The following PRKAR1A variants were observed in gnomAD, a reference collection of about 807,000 sequenced individuals.
The protein encoded by PRKAR1A is protein kinase cAMP-dependent type I regulatory subunit alpha.
In PRKAR1A, 3 loss-of-function variants were observed where a neutral mutation model predicts 52.0. The ratio of observed to expected loss-of-function variants is 0.06; its 90% confidence interval spans 0.03 to 0.15. The LOEUF is 0.15. PRKAR1A is among the 10% of genes least tolerant of loss of function. The pLI, the probability that PRKAR1A is intolerant of heterozygous loss-of-function variation, is 1.00. For synonymous variants in PRKAR1A, 188 were observed against 168.4 expected, an observed-to-expected ratio of 1.12 and a Z score of -0.90; for missense variants, 240 against 477.4, an observed-to-expected ratio of 0.50 and a Z score of 4.63.
At chr17:68,479,927 C>G in the PRKAR1A span, among the ~76,000 whole-genome samples, 1 of 152,166 alleles carries the variant, frequency 6.6e-6, no homozygotes. Flanking sequence ...GGGGGAAATG[C>G]CCCTTATAAA....
the PRKAR1A span, chr17:68,435,542 T>C: frequency 7.2e-7 from 1 of 1,385,748 alleles, no homozygotes; most frequent in Non-Finnish European, 1.0e-6. Context: ...GTCACCAGGT[T>C]TGTTCAATCC....
At chr17:68,525,108 A>T (rs2085745884) in intron 6 of PRKAR1A, 150 bp downstream of exon 6, 2 of 687,806 alleles carry the variant, frequency 2.9e-6, no homozygotes, top group Non-Finnish European at 2.5e-6. Flanking sequence ...TTTATGACAC[A>T]GAGAAACTCT....
intron 1 of PRKAR1A, among the ~76,000 whole-genome samples, chr17:68,514,122 A>G (rs999874181): frequency 3.9e-5 from 6 of 152,170 alleles, no homozygotes; most frequent in African/African-American, 1.4e-4. Context: ...ATGGCTTCTA[A>G]TTTATGTGCT....
rs140785420 is a variant in PRKAR1A at position 68,531,411 on chromosome 17, A to G, written c.*962A>G. On this transcript the variant is annotated 3_prime_UTR_variant, in exon 11 of 11. Transcript: ENST00000589228. ...GAGATTGGATTTGCTGTGACTAGAT[A>G]CAGATGGAGCAAATGTCCTAACAGA... 3.7e-4 allele frequency: 396 copies of G among 1,066,000 alleles called. No homozygotes were observed. The highest frequency in any genetic ancestry group is 4.3e-4 in the Non-Finnish European group (376 of 879,588). 66.0% of individuals were successfully genotyped at this position (1,066,000 alleles called of 1,614,324 possible).
Position 68,519,059 on chromosome 17 carries a change from G to T in PRKAR1A, c.177+3483G>T, listed in dbSNP as rs573026326. Reference sequence around the variant, plus strand: ...TACTATCAGCATTTTGGTCAAAGCCGTACAAGAAATCTCTAGGAAGTTCCA... The same window carrying T: ...TACTATCAGCATTTTGGTCAAAGCCTTACAAGAAATCTCTAGGAAGTTCCA... On this transcript the variant is annotated intron_variant, in intron 2 of 10. Transcript: ENST00000589228. Among the ~76,000 whole-genome samples, 3 of 152,218 alleles carry T rather than the reference G, an allele frequency of 2.0e-5. No homozygotes were observed. In the South Asian group the frequency reaches 6.2e-4, roughly 32 times the overall value.
Position 68,522,887 on chromosome 17 carries a change from G to A in PRKAR1A, c.309G>A (p.Glu103=), listed in dbSNP as rs746113372. Residue 103 remains glutamate (E), a synonymous_variant, in exon 3 of 11, where the codon GAG becomes GAA. Transcript: ENST00000589228. ...GGCGACGAGGTGCTATCAGCGCTGAGGTCTACACGGAGGAAGATGCGGCAT... is the reference window on the plus strand; with the variant it reads ...GGCGACGAGGTGCTATCAGCGCTGAAGTCTACACGGAGGAAGATGCGGCAT... The part of the protein sequence containing the change: ...GRRRRGAISA[E]VYTEEDAASY... 2.0e-5 allele frequency: 32 copies of A among 1,613,818 alleles called. No individual in the cohort carries two copies. Among genetic ancestry groups the A allele is most frequent in the Admixed American group, 1.3e-4 (8 of 60,000 alleles).
the PRKAR1A span, among the ~76,000 whole-genome samples, chr17:68,441,308 C>T: frequency 6.6e-6 from 1 of 152,200 alleles, no homozygotes; most frequent in Non-Finnish European, 1.5e-5. Flanking sequence ...TTTACAGCTG[C>T]GTTAGATACC....
At chr17:68,415,583 C>G in the PRKAR1A span, among the ~76,000 whole-genome samples, 1 of 152,160 alleles carries the variant, frequency 6.6e-6, no homozygotes, top group Non-Finnish European at 1.5e-5. Flanking sequence ...TGTTGACTTT[C>G]TTTCTTGATG....
the PRKAR1A span, among the ~76,000 whole-genome samples, chr17:68,425,549 G>A: frequency 6.6e-6 from 1 of 151,994 alleles, no homozygotes; most frequent in Non-Finnish European, 1.5e-5. Flanking sequence ...GTCTGCAACT[G>A]CTGGGGAGGT....
At chr17:68,415,521 A>ATATC in the PRKAR1A span, among the ~76,000 whole-genome samples, 2 of 152,168 alleles carry the variant, frequency 1.3e-5, no homozygotes, top group African/African-American at 4.8e-5. Context: ...TGTTCTGTAT[A>ATATC]TATCTGTTAA....
chr17:68,425,498 G>A, the PRKAR1A span, among the ~76,000 whole-genome samples: 1 of 151,534 alleles, frequency 6.6e-6, no homozygotes, highest in Middle Eastern at 3.2e-3. Context: ...TGGGATTACA[G>A]GTGTGAGCCA....
At position 68,531,521 on chromosome 17, in the gene PRKAR1A, G is replaced by A. The variant is rs2085975118; in HGVS notation, c.*1072G>A. ...AATTTTCCCCGTGACATTCACTGGG[G>A]CATGAGATTTTGGAAGAAGTTTTTT... is the stretch of plus-strand genomic sequence containing the variant. On this transcript the variant is annotated 3_prime_UTR_variant, in exon 11 of 11. Transcript: ENST00000589228. The A allele has an allele frequency of 1.9e-6, 2 of 1,066,184 alleles. No individual in the cohort carries two copies. The highest frequency in any genetic ancestry group is 1.6e-5 in the African/African-American group (1 of 61,100). The allele number at this position is 1,066,184 out of a possible 1,614,324, so 66.0% of individuals were successfully genotyped here.
At chr17:68,431,366 G>A in the PRKAR1A span, among the ~76,000 whole-genome samples, 1 of 152,044 alleles carries the variant, frequency 6.6e-6, no homozygotes, top group Non-Finnish European at 1.5e-5. Flanking sequence ...GCTGGGGACT[G>A]AGCATGGAGC....
At chr17:68,521,717 A>T (rs1390672570) in intron 2 of PRKAR1A, among the ~76,000 whole-genome samples, 1 of 152,264 alleles carries the variant, frequency 6.6e-6, no homozygotes, top group Non-Finnish European at 1.5e-5. Flanking sequence ...AAAGGGGCAT[A>T]ATAATGAAAG....
At chr17:68,430,583 G>A in the PRKAR1A span, among the ~76,000 whole-genome samples, 5 of 152,214 alleles carry the variant, frequency 3.3e-5, no homozygotes, top group Admixed American at 6.5e-5. Context: ...TCCTGAGCCA[G>A]ACTGAGTGGG....
At chr17:68,453,514 T>C in the PRKAR1A span, among the ~76,000 whole-genome samples, 7 of 150,504 alleles carry the variant, frequency 4.7e-5, no homozygotes, top group African/African-American at 1.7e-4. Flanking sequence ...AGTCTCGCTC[T>C]GTCACCCGGG....
At chr17:68,490,473 T>C in the PRKAR1A span, among the ~76,000 whole-genome samples, 1 of 152,224 alleles carries the variant, frequency 6.6e-6, no homozygotes, top group East Asian at 1.9e-4. Flanking sequence ...ATCTGGGTTA[T>C]AAAAGACAGA....
At chr17:68,468,413 C>T in the PRKAR1A span, among the ~76,000 whole-genome samples, 4 of 152,240 alleles carry the variant, frequency 2.6e-5, no homozygotes, top group Non-Finnish European at 5.9e-5. Context: ...AACGAAATGT[C>T]CTGGTTTGAC....
the PRKAR1A span, among the ~76,000 whole-genome samples, chr17:68,464,336 T>G: frequency 3.3e-5 from 5 of 152,188 alleles, no homozygotes; most frequent in African/African-American, 1.2e-4. Flanking sequence ...CTAGCATAAC[T>G]TAACACAAAC....
Sources: gnomAD v4.1 joint callset for allele counts (sites outside exome capture counted in the v4.1 genomes callset) on GRCh38, gnomAD v4.1.1 for gene constraint, MANE v1.5 for transcripts, NCBI Gene and HGNC (gene_info 2026-07-23, HGNC 2026-07-21) for gene names.